RNF19A: variants seen among roughly 807,000 people sequenced by gnomAD.
The protein encoded by RNF19A is ring finger protein 19A, RBR E3 ubiquitin protein ligase.
A neutral mutation model predicts 75.7 loss-of-function variants in RNF19A; 32 were observed. That is an observed-to-expected ratio of 0.42 (90% CI 0.32 to 0.57). The LOEUF (loss-of-function observed/expected upper bound fraction) is 0.57, where lower values mean the gene tolerates loss of function less well. RNF19A is among the 20% of genes least tolerant of loss of function. The probability of loss-of-function intolerance (pLI) is 0.10; values close to 1 mark genes in which losing one functional copy is unlikely to be tolerated. For synonymous variants in RNF19A, 335 were observed against 345.2 expected (o/e 0.97, Z 0.33); for missense variants, 782 against 1,036.3 (o/e 0.75, Z 3.37).
intron 1 of RNF19A, among the ~76,000 whole-genome samples, chr8:100,288,529 T>G (rs1821139575): frequency 6.6e-6 from 1 of 152,212 alleles, no homozygotes; most frequent in Non-Finnish European, 1.5e-5. Context: ...CACTCTGACT[T>G]CAATGATTTC....
chr8:100,318,041 G>A (rs1251143759), intron 1 of RNF19A, among the ~76,000 whole-genome samples: 1 of 151,730 alleles, frequency 6.6e-6, no homozygotes, highest in East Asian at 1.9e-4. Flanking sequence ...CCTCCCCTCA[G>A]ATTTCCTTAA....
At chr8:100,328,357 C>A (rs898504653) in intron 1 of RNF19A, among the ~76,000 whole-genome samples, 1 of 152,136 alleles carries the variant, frequency 6.6e-6, no homozygotes, top group African/African-American at 2.4e-5. Context: ...ATCCAAGAGA[C>A]AAAGTGAACT....
rs1819634327 is a variant in RNF19A, at chr8:100,259,918, T to A, written c.1762A>T (p.Ser588Cys). The A allele has an allele frequency of 6.2e-7, 1 of 1,613,848 alleles. No homozygotes were observed. The highest frequency in any genetic ancestry group is 1.7e-5 in the Admixed American group (1 of 60,008). Reference sequence around the variant, plus strand: ...ATTGCTTTGGTGCTGGCATTATCACTAACTGTTCCCAAGCTGACTGTGCCA... The same window carrying A: ...ATTGCTTTGGTGCTGGCATTATCACAAACTGTTCCCAAGCTGACTGTGCCA... Reference protein sequence around the residue: ...ESGTVSLGTVSDNASTKAMAG... With the variant: ...ESGTVSLGTVCDNASTKAMAG... The change falls in exon 9 of 10, where the codon AGT becomes TGT. Residue 588 changes from serine to cysteine, a missense_variant. This residue lies in a region of RNF19A where 442 missense variants were observed against 541.6 expected (regional missense o/e 0.82). Coordinates refer to ENST00000341084, the MANE Select transcript of RNF19A (RefSeq NM_183419.4). This position sits in a 1 kb window ranked among gnomAD's most constrained non-coding sequence, Gnocchi z 4.5.
chr8:100,327,976 CTCTTCAAGTG>C (rs1822557249), intron 1 of RNF19A, among the ~76,000 whole-genome samples: 1 of 152,204 alleles, frequency 6.6e-6, no homozygotes, highest in Non-Finnish European at 1.5e-5. Flanking sequence ...AACAGGTAGG[CTCTTCAAGTG>C]TTTGAGGTAA....
chr8:100,298,051 A>AT (rs1821651809), intron 1 of RNF19A, among the ~76,000 whole-genome samples: 1 of 152,164 alleles, frequency 6.6e-6, no homozygotes, highest in South Asian at 2.1e-4. Flanking sequence ...TACAGTACCT[A>AT]CAGTCCATAG....
At chr8:100,318,945 G>T (rs1822425127) in intron 1 of RNF19A, among the ~76,000 whole-genome samples, 2 of 152,240 alleles carry the variant, frequency 1.3e-5, no homozygotes, top group Admixed American at 6.5e-5. Flanking sequence ...GAAGCACATG[G>T]CCCAGAGCAA....
At chr8:100,294,422 C>T (rs1371857865) in intron 1 of RNF19A, among the ~76,000 whole-genome samples, 1 of 152,124 alleles carries the variant, frequency 6.6e-6, no homozygotes, top group Non-Finnish European at 1.5e-5. Flanking sequence ...ATTTTTCTGC[C>T]TGCCAGCTGT....
intron 1 of RNF19A, among the ~76,000 whole-genome samples, chr8:100,316,244 GGTGA>G (rs1175064244): frequency 6.6e-6 from 1 of 152,096 alleles, no homozygotes; most frequent in African/African-American, 2.4e-5. Flanking sequence ...AGACCTTCGC[GGTGA>G]GTGTTACAGC....
At chr8:100,278,352 T>C (rs548692424) in intron 2 of RNF19A, among the ~76,000 whole-genome samples, 1 of 152,366 alleles carries the variant, frequency 6.6e-6, no homozygotes, top group South Asian at 2.1e-4. Context: ...AATATCTGAA[T>C]ACTCAAAATA....
Position 100,279,338 on chromosome 8 carries a change from G to T in RNF19A, c.675-4177C>A, listed in dbSNP as rs139030415. Among the ~76,000 whole-genome samples the T allele has an allele frequency of 7.2e-3, 1,092 of 152,074 alleles. 3 individuals are homozygous for T. Among genetic ancestry groups the T allele is most frequent in the Non-Finnish European group, 0.011 (751 of 68,000 alleles). ...GAAATTACTAATCCTGCATTACCACGTCAAACATTTAATATTTGATTGCCA... is the reference window on the plus strand; with the variant it reads ...GAAATTACTAATCCTGCATTACCACTTCAAACATTTAATATTTGATTGCCA... On this transcript the variant is annotated intron_variant, in intron 2 of 9. Transcript: ENST00000341084.
chr8:100,324,164 G>A lies in RNF19A; in HGVS notation c.-242-10792C>T, dbSNP rs73282784. 5.2e-3 allele frequency among the ~76,000 whole-genome samples: 789 copies of A among 152,280 alleles called. 10 individuals carry two copies. The highest frequency in any genetic ancestry group is 0.019 in the African/African-American group (772 of 41,550). On this transcript the variant is annotated intron_variant, in intron 1 of 3. Transcript: ENST00000519527. This position sits in a 1 kb window ranked among gnomAD's most constrained non-coding sequence, Gnocchi z 4.2. ...TAATTTATTTTTTACAGCGGAGGAA[G>A]CCCAATCTAGATTTATAAAGTTAGT...
chr8:100,296,862 G>A (rs1821588405), intron 1 of RNF19A, among the ~76,000 whole-genome samples: 1 of 152,180 alleles, frequency 6.6e-6, no homozygotes, highest in African/African-American at 2.4e-5. Flanking sequence ...CAAGAGTTAA[G>A]TTTTTGGGAA....
At chr8:100,328,715 C>G (rs1181267388) in intron 1 of RNF19A, among the ~76,000 whole-genome samples, 1 of 152,134 alleles carries the variant, frequency 6.6e-6, no homozygotes, top group Non-Finnish European at 1.5e-5. Flanking sequence ...CGTGATTCAC[C>G]CCCATCAGCC....
chr8:100,276,723 C>CAAA (rs60419107), intron 2 of RNF19A, among the ~76,000 whole-genome samples: 9 of 80,578 alleles, frequency 1.1e-4, no homozygotes, highest in Admixed American at 5.7e-4. Context: ...ACCACTGTAC[C>CAAA]AAAAAAAAAA....
At chr8:100,321,966 G>T (rs1047116100) in intron 1 of RNF19A, among the ~76,000 whole-genome samples, 1 of 149,448 alleles carries the variant, frequency 6.7e-6, no homozygotes. Flanking sequence ...TCTAGAGCAC[G>T]TGTAAAGGAG....
rs995857869 is a variant in RNF19A, at chr8:100,259,530, A to G, written c.1827-284T>C. On this transcript the variant is annotated intron_variant, in intron 9 of 9. Coordinates refer to ENST00000341084, the MANE Select transcript of RNF19A (RefSeq NM_183419.4). This position sits in a 1 kb window ranked among gnomAD's most constrained non-coding sequence, Gnocchi z 4.5. ...TTATTCAGATACAATTCCCCTGTTT[A>G]AAGTGTACAATTCAGTGATTTTTAG... Among the ~76,000 whole-genome samples the G allele has an allele frequency of 2.0e-5, 3 of 152,182 alleles. No homozygotes were observed. Among genetic ancestry groups the G allele is most frequent in the Non-Finnish European group, 2.9e-5 (2 of 68,032 alleles).
chr8:100,279,966 C>T (rs1820706759), intron 2 of RNF19A, among the ~76,000 whole-genome samples: 1 of 152,162 alleles, frequency 6.6e-6, no homozygotes, highest in South Asian at 2.1e-4. Context: ...GGCTTCATTT[C>T]TGATTTCTTT....
Position 100,259,048 on chromosome 8 carries a change from A to ACTC in RNF19A, c.2024_2025insGAG (p.Lys674_Ser675insArg). 1 of 1,613,870 alleles carries ACTC rather than the reference A, an allele frequency of 6.2e-7. No individual in the cohort carries two copies. Among genetic ancestry groups the ACTC allele is most frequent in the Non-Finnish European group, 8.5e-7 (1 of 1,179,978 alleles). ...TGTTACCCTTTTTCCTCAGTTTACC[A>ACTC]CTTTTTGATTTTTTCCCTGCTGTTG... is the stretch of plus-strand genomic sequence containing the variant. On this transcript the variant is annotated inframe_insertion, in exon 10 of 10. Transcript: ENST00000341084. The surrounding 1 kb of genome is among the most constrained non-coding windows in gnomAD (Gnocchi z 4.5).
rs753533444 is a variant in RNF19A at position 100,259,668 on chromosome 8, G to C, written c.1826+186C>G. Among the ~76,000 whole-genome samples, 3 of 152,032 alleles carry C rather than the reference G, an allele frequency of 2.0e-5. No homozygotes were observed. The highest frequency in any genetic ancestry group is 4.4e-5 in the Non-Finnish European group (3 of 68,010). ...TTAGTTACCATTCTTCCCTTTCCCA[G>C]CCCTTGACAACCACAAATCCACTTT... On this transcript the variant is annotated intron_variant, in intron 9 of 9. Transcript: ENST00000341084. The surrounding 1 kb of genome is among the most constrained non-coding windows in gnomAD (Gnocchi z 4.5).
Sources: allele counts gnomAD v4.1 joint callset (sites outside exome capture counted in the v4.1 genomes callset), GRCh38; gene constraint gnomAD v4.1.1; regional missense constraint gnomAD v4.1.1; non-coding constraint Gnocchi (gnomAD v3.1); transcripts MANE v1.5; gene names NCBI Gene and HGNC (gene_info 2026-07-23, HGNC 2026-07-21).